ALOX5: variants seen among roughly 807,000 people sequenced by gnomAD.
ALOX5 encodes the protein arachidonate 5-lipoxygenase.
A neutral mutation model predicts 87.9 loss-of-function variants in ALOX5; 64 were observed. The observed-to-expected ratio is 0.73, with a 90% CI of 0.60 to 0.90. The LOEUF (loss-of-function observed/expected upper bound fraction) is 0.90. ALOX5 is among the 40% of genes least tolerant of loss of function. The probability of loss-of-function intolerance (pLI) is 0.00; values close to 1 mark genes in which losing one functional copy is unlikely to be tolerated. For missense variants in ALOX5, 822 were observed against 907.5 expected, an observed-to-expected ratio of 0.91 and a Z score of 1.21; for synonymous variants, 388 against 355.1, an observed-to-expected ratio of 1.09 and a Z score of -1.04.
intron 2 of ALOX5, among the ~76,000 whole-genome samples, chr10:45,392,733 AG>A (rs1407943931): frequency 6.6e-6 from 1 of 152,174 alleles, no homozygotes; most frequent in Non-Finnish European, 1.5e-5. Flanking sequence ...AAAGAAGAGA[AG>A]AATCAATTAG....
chr10:45,434,301 G>A (rs542824934), intron 7 of ALOX5, among the ~76,000 whole-genome samples: 10 of 152,310 alleles, frequency 6.6e-5, no homozygotes, highest in African/African-American at 1.7e-4. Context: ...CTGTCTACTC[G>A]AAAACATACC....
chr10:45,382,395 G>T, intron 1 of ALOX5, 88 bp from the exon 2 acceptor site: 2 of 1,398,996 alleles, frequency 1.4e-6, no homozygotes, highest in Non-Finnish European at 2.0e-6. Context: ...TGCCACAGCA[G>T]CATACCTTGG....
At chr10:45,403,345 G>A (rs1392603701) in intron 3 of ALOX5, among the ~76,000 whole-genome samples, 1 of 152,218 alleles carries the variant, frequency 6.6e-6, no homozygotes, top group African/African-American at 2.4e-5. Flanking sequence ...AAGAAGCCAG[G>A]AGCGTGTCTG....
In ALOX5 at chr10:45,395,839, T is replaced by G; in HGVS notation, c.350-16T>G. On this transcript the variant is annotated splice_polypyrimidine_tract_variant and intron_variant, in intron 2 of 13. Coordinates refer to ENST00000374391, the MANE Select transcript of ALOX5 (RefSeq NM_000698.5). ...GTTCTTCCTCAGGCTCCTCTCATGT[T>G]GTTCTTTCTTTACAGCAAAGTTGGC... 6.2e-7 allele frequency: 1 copy of G among 1,613,134 alleles called. No individual in the cohort carries two copies.
intron 4 of ALOX5, 80 bp from the exon 5 acceptor site, chr10:45,423,961 C>A: frequency 3.5e-6 from 4 of 1,146,354 alleles, no homozygotes; most frequent in Non-Finnish European, 5.3e-6. Context: ...TGTGAGGACC[C>A]CTGAGAGCTT....
rs1841814078 is a variant in ALOX5, at chr10:45,428,662, C to T, written c.879C>T (p.Ile293=). 6.2e-7 allele frequency: 1 copy of T among 1,613,992 alleles called. No homozygotes were observed. The highest frequency in any genetic ancestry group is 1.3e-5 in the African/African-American group (1 of 74,908). ...FIVDFELLDG[I]DANKTDPCTL... is the part of the protein sequence containing the mutation. ...TGGACTTTGAGCTGCTGGATGGCAT[C>T]GATGCCAACAAAACAGACCCCTGCA... The change falls in exon 7 of 14, where the codon ATC becomes ATT. Residue 293 remains isoleucine, a synonymous_variant. Coordinates refer to ENST00000374391, the MANE Select transcript of ALOX5 (RefSeq NM_000698.5).
In ALOX5 at chr10:45,425,745, G is replaced by A. The variant is rs1190033917; in HGVS notation, c.834+613G>A. ...GATCTGGTGGGGCTCAGCAACAGGC[G>A]CTGGCCCATCAGCCTGCCTCTTCCC... On this transcript the variant is annotated intron_variant, in intron 6 of 13. Transcript: ENST00000374391. This position sits in a 1 kb window ranked among gnomAD's most constrained non-coding sequence, Gnocchi z 4.4. Among the ~76,000 whole-genome samples the A allele has an allele frequency of 1.3e-5, 2 of 152,182 alleles. No individual in the cohort carries two copies. Among genetic ancestry groups the A allele is most frequent in the Non-Finnish European group, 2.9e-5 (2 of 68,026 alleles).
chr10:45,382,955 T>G (rs1392038880), intron 2 of ALOX5, among the ~76,000 whole-genome samples: 5 of 152,248 alleles, frequency 3.3e-5, no homozygotes, highest in Non-Finnish European at 7.3e-5. Context: ...GCCCCTCTTT[T>G]TGTCAGTGGG....
At chr10:45,445,006 A>G (rs143216970) in intron 13 of ALOX5, among the ~76,000 whole-genome samples, 297 of 152,370 alleles carry the variant, frequency 1.9e-3, no homozygotes, top group African/African-American at 6.5e-3. Flanking sequence ...TTTTAAAATG[A>G]TATCTAGCTC....
At chr10:45,414,153 G>C (rs1391694565) in intron 4 of ALOX5, among the ~76,000 whole-genome samples, 2 of 152,118 alleles carry the variant, frequency 1.3e-5, no homozygotes, top group African/African-American at 4.8e-5. Flanking sequence ...CAAAAGAACA[G>C]AGCTGGAGGC....
intron 4 of ALOX5, among the ~76,000 whole-genome samples, chr10:45,414,636 T>A (rs1206100697): frequency 6.6e-6 from 1 of 151,996 alleles, no homozygotes; most frequent in Non-Finnish European, 1.5e-5. Flanking sequence ...GAAACTACCA[T>A]CAGAGTGAAC....
chr10:45,402,050 G>A (rs1041443161), intron 3 of ALOX5, among the ~76,000 whole-genome samples: 12 of 130,528 alleles, frequency 9.2e-5, no homozygotes, highest in African/African-American at 3.6e-4. Flanking sequence ...TTGCACCACT[G>A]CACTCCAGCC....
chr10:45,442,762 T>C (rs1421481940), intron 9 of ALOX5: 10 of 434,316 alleles, frequency 2.3e-5, no homozygotes, highest in Admixed American at 8.2e-5. Context: ...CCTGCTGCCC[T>C]CCTGTGGCTG....
At chr10:45,407,139 T>TGACA (rs1384849637) in intron 3 of ALOX5, among the ~76,000 whole-genome samples, 1 of 152,146 alleles carries the variant, frequency 6.6e-6, no homozygotes, top group Non-Finnish European at 1.5e-5. Flanking sequence ...CCCTCATTGA[T>TGACA]GACAATATGA....
At chr10:45,432,474 G>A (rs915047159) in intron 7 of ALOX5, among the ~76,000 whole-genome samples, 3 of 152,166 alleles carry the variant, frequency 2.0e-5, no homozygotes, top group Non-Finnish European at 2.9e-5. Flanking sequence ...TTGGGGGACA[G>A]TATAGAGTAA....
chr10:45,374,438 G>T lies in ALOX5; in HGVS notation c.150+9G>T. ...ACTTCGAGCGTGGCGCGGTGAGCGC[G>T]GGCGGGGCACGGGTGGAGCGCGGGC... On this transcript the variant is annotated intron_variant, in intron 1 of 13. Transcript: ENST00000374391. The T allele has an allele frequency of 6.5e-7, 1 of 1,546,092 alleles. No homozygotes were observed. The highest frequency in any genetic ancestry group is 1.2e-5 in the South Asian group (1 of 82,378).
At chr10:45,432,000 T>A (rs1216066591) in intron 7 of ALOX5, among the ~76,000 whole-genome samples, 1 of 151,980 alleles carries the variant, frequency 6.6e-6, no homozygotes, top group Non-Finnish European at 1.5e-5. Flanking sequence ...CAAGTAAAAT[T>A]TCAGCCAGAA....
intron 2 of ALOX5, among the ~76,000 whole-genome samples, chr10:45,386,320 G>T (rs1255095056): frequency 6.7e-6 from 1 of 150,302 alleles, no homozygotes. Flanking sequence ...AAAAAAATTA[G>T]CCAGGTGTGG....
In ALOX5 at chr10:45,412,116, G is replaced by A; in HGVS notation, c.432-75G>A. 4 of 1,593,282 alleles carry A rather than the reference G, an allele frequency of 2.5e-6. No individual in the cohort carries two copies. The South Asian group carries it at 4.5e-5, about 18-fold the overall frequency. On this transcript the variant is annotated intron_variant, in intron 3 of 13. Coordinates refer to ENST00000374391, the MANE Select transcript of ALOX5 (RefSeq NM_000698.5). ...TCCCTGTGTAACATCGTCTGACAGT[G>A]TGGGCGGCCCTCAGCTGAGGGGGCA...
Sources: allele counts gnomAD v4.1 joint callset (sites outside exome capture counted in the v4.1 genomes callset), GRCh38; gene constraint gnomAD v4.1.1; non-coding constraint Gnocchi (gnomAD v3.1); transcripts MANE v1.5; gene names NCBI Gene and HGNC (gene_info 2026-07-23, HGNC 2026-07-21).